Variants in GLT8D2 observed in about 807,000 individuals in gnomAD.
The protein encoded by GLT8D2 is glycosyltransferase 8 domain-containing protein 2.
In GLT8D2, 45 loss-of-function variants were observed where a neutral mutation model predicts 44.5. The observed-to-expected ratio is 1.01, with a 90% confidence interval of 0.80 to 1.30. GLT8D2 has a LOEUF of 1.30. Among genes scored for constraint, GLT8D2 ranks in the 50% most tolerant of loss-of-function variants. GLT8D2 has a pLI of 0.00. For synonymous variants in GLT8D2, 156 were observed against 157.2 expected (o/e 0.99, Z 0.06); for missense variants, 400 against 430.4 (o/e 0.93, Z 0.62).
Position 104,060,387 on chromosome 12 carries a change from T to C in GLT8D2, c.-423+3562A>G, listed in dbSNP as rs570973632. Among the ~76,000 whole-genome samples the C allele has an allele frequency of 5.3e-5, 8 of 152,318 alleles. No homozygotes were observed. The East Asian group carries it at 9.6e-4, about 18-fold the overall frequency. On this transcript the variant is annotated intron_variant, in intron 1 of 10. Coordinates refer to the GLT8D2 transcript ENST00000548660. ...GGTACTTTACTGTGAAATGGGGACC[T>C]ATTTTAGATGCCTCCCTCAAGGACA...
rs1873015408 is a variant in GLT8D2, at chr12:103,993,395, G to T, written c.877C>A (p.Leu293Met). 3 of 1,607,892 alleles carry T rather than the reference G, an allele frequency of 1.9e-6. No individual in the cohort carries two copies. In the African/African-American group the frequency reaches 4.0e-5, roughly 21 times the overall value. ...ACAGTTTTTCTGAAATACTTACCCAGGTGCCTTATGTGCCACAGGGGGTTA... is the reference window on the plus strand; with the variant it reads ...ACAGTTTTTCTGAAATACTTACCCATGTGCCTTATGTGCCACAGGGGGTTA... Reference protein sequence around the residue: ...TINPLWHIRHLGWNPDARYSE... With the variant: ...TINPLWHIRHMGWNPDARYSE... Residue 293 changes from leucine to methionine, a missense_variant, in exon 10 of 11, where the codon CTG becomes ATG. Coordinates refer to ENST00000360814, the MANE Select transcript of GLT8D2 (RefSeq NM_001384711.1).
chr12:104,012,243 T>C (rs976647737), intron 4 of GLT8D2, among the ~76,000 whole-genome samples: 4 of 149,300 alleles, frequency 2.7e-5, no homozygotes, highest in African/African-American at 9.8e-5. Flanking sequence ...AAAACCAAAA[T>C]GGAATCATAC....
At chr12:103,994,136 A>C in intron 9 of GLT8D2, 199 bp downstream of exon 9, 1 of 404,530 alleles carries the variant, frequency 2.5e-6, no homozygotes, top group Non-Finnish European at 4.3e-6. Flanking sequence ...GCTCCACAGG[A>C]TCTTGATTCC....
intron 10 of GLT8D2, among the ~76,000 whole-genome samples, chr12:103,990,534 T>C (rs745485683): frequency 3.3e-5 from 5 of 152,164 alleles, no homozygotes; most frequent in Non-Finnish European, 7.3e-5. Flanking sequence ...ATCTCTATAG[T>C]GTTCGACTTT....
At chr12:104,030,862 C>T (rs1005938716) in intron 1 of GLT8D2, 12 of 1,574,518 alleles carry the variant, frequency 7.6e-6, no homozygotes, top group African/African-American at 1.4e-5. Flanking sequence ...GGTACGACGC[C>T]GACCTGAGCC....
chr12:103,997,612 G>T, intron 6 of GLT8D2, 77 bp from the exon 7 acceptor site: 11 of 1,017,218 alleles, frequency 1.1e-5, no homozygotes. Context: ...TGGAGAGTCG[G>T]CTTTGACCAT....
intron 3 of GLT8D2, among the ~76,000 whole-genome samples, chr12:104,016,780 AAGGAAGG>A (rs1272561719): frequency 8.9e-6 from 1 of 112,822 alleles, no homozygotes; most frequent in East Asian, 4.2e-4. Context: ...AGAAAGAAGG[AAGGAAGG>A]AAGGAAGGAA....
At chr12:104,019,526 A>G in intron 3 of GLT8D2, 104 bp downstream of exon 3, 1 of 915,680 alleles carries the variant, frequency 1.1e-6, no homozygotes, top group Non-Finnish European at 1.7e-6. Flanking sequence ...TATCCATGAA[A>G]ATCAAACACA....
At chr12:104,062,988 A>C (rs191200455) in intron 1 of GLT8D2, among the ~76,000 whole-genome samples, 9 of 152,200 alleles carry the variant, frequency 5.9e-5, no homozygotes, top group African/African-American at 1.9e-4. Context: ...TGAACTGCCC[A>C]TAGGAGGGAT....
rs1878793843 is a variant in GLT8D2, at chr12:104,028,031, TG to T, written c.-163-6541del. Reference sequence around the variant, plus strand: ...ACTCCAGAGGCAGAGGAATAGTAAATGCTGATTCATCTGAACAGGGGGTTCA... The same window carrying T: ...ACTCCAGAGGCAGAGGAATAGTAAATCTGATTCATCTGAACAGGGGGTTCA... On this transcript the variant is annotated intron_variant, in intron 1 of 10. Transcript: ENST00000360814. Among the ~76,000 whole-genome samples, 3 of 152,190 alleles carry T rather than the reference TG, an allele frequency of 2.0e-5. No homozygotes were observed. The South Asian group carries it at 6.2e-4, about 32-fold the overall frequency.
At chr12:103,990,607 G>A (rs557206606) in intron 10 of GLT8D2, among the ~76,000 whole-genome samples, 10 of 152,264 alleles carry the variant, frequency 6.6e-5, no homozygotes, top group African/African-American at 1.2e-4. Context: ...ATTGAATTAC[G>A]AGAGGGTTGA....
chr12:104,002,720 G>A (rs1052022385), intron 5 of GLT8D2, among the ~76,000 whole-genome samples: 4 of 152,136 alleles, frequency 2.6e-5, no homozygotes, highest in Non-Finnish European at 4.4e-5. Context: ...GAGGAGGGAG[G>A]ATTGCTTGAA....
chr12:104,043,477 T>C (rs983509031), intron 1 of GLT8D2, among the ~76,000 whole-genome samples: 1 of 152,184 alleles, frequency 6.6e-6, no homozygotes, highest in African/African-American at 2.4e-5. Flanking sequence ...GTTTTTATTT[T>C]TATTTTTGAG....
intron 4 of GLT8D2, among the ~76,000 whole-genome samples, chr12:104,010,296 G>C (rs1229272719): frequency 6.6e-6 from 1 of 152,144 alleles, no homozygotes; most frequent in Non-Finnish European, 1.5e-5. Context: ...GTGGTTCCCT[G>C]AACACTACTC....
intron 4 of GLT8D2, among the ~76,000 whole-genome samples, chr12:104,005,180 T>C (rs558059959): frequency 5.4e-4 from 82 of 152,340 alleles, no homozygotes; most frequent in Non-Finnish European, 9.0e-4. Context: ...GCTAGCCATA[T>C]GTAGAAAGCT....
At chr12:104,015,670 A>G (rs961846910) in intron 3 of GLT8D2, among the ~76,000 whole-genome samples, 1 of 152,142 alleles carries the variant, frequency 6.6e-6, no homozygotes, top group African/African-American at 2.4e-5. Context: ...TATCAGTTCT[A>G]ATAGTTTTTT....
rs74955726 is a variant in GLT8D2, at chr12:104,022,541, T to C, written c.-163-1050A>G. Reference sequence around the variant, plus strand: ...GTAGAAAAAGGGAGATTTTTTTCAGTTGATAGTCTTACAGGACTTATATTG... The same window carrying C: ...GTAGAAAAAGGGAGATTTTTTTCAGCTGATAGTCTTACAGGACTTATATTG... On this transcript the variant is annotated intron_variant, in intron 1 of 10. Transcript: ENST00000360814. 2.2e-3 allele frequency among the ~76,000 whole-genome samples: 331 copies of C among 152,264 alleles called. 3 individuals carry two copies. Among genetic ancestry groups the C allele is most frequent in the African/African-American group, 6.9e-3 (286 of 41,548 alleles).
At chr12:104,012,187 AAAATAT>A (rs1457392751) in intron 4 of GLT8D2, among the ~76,000 whole-genome samples, 109 of 84,764 alleles carry the variant, frequency 1.3e-3, no homozygotes, top group African/African-American at 4.5e-3. Context: ...AAAAAAAAAA[AAAATAT>A]ATATATATAT....
intron 1 of GLT8D2, among the ~76,000 whole-genome samples, chr12:104,032,466 C>CAAAAAAAAAAAAAAAAAAAAAAAAAAAA (rs547392677): frequency 8.4e-5 from 5 of 59,668 alleles, no homozygotes; most frequent in African/African-American, 1.3e-4. Context: ...TGTGCAATAG[C>CAAAAAAAAAAAAAAAAAAAAAAAAAAAA]AAAAAAAAAA....
Sources: gnomAD v4.1 joint callset for allele counts (sites outside exome capture counted in the v4.1 genomes callset) on GRCh38, gnomAD v4.1.1 for gene constraint, MANE v1.5 for transcripts, NCBI Gene and HGNC (gene_info 2026-07-23, HGNC 2026-07-21) for gene names.